Variants in BNC2 observed in about 807,000 individuals in gnomAD.
BNC2 encodes basonuclin zinc finger protein 2, also known as zinc finger protein basonuclin-2.
BNC2 carries 20 observed loss-of-function variants against 76.3 expected under a neutral mutation model. The ratio of observed to expected loss-of-function variants is 0.26; its 90% CI spans 0.18 to 0.38. The LOEUF (loss-of-function observed/expected upper bound fraction) is 0.38. BNC2 is among the 10% of genes least tolerant of loss of function. BNC2 has a pLI of 1.00. For missense variants in BNC2, 1,382 were observed against 1,399.8 expected, an observed-to-expected ratio of 0.99 and a Z score of 0.20; for synonymous variants, 582 against 514.8, an observed-to-expected ratio of 1.13 and a Z score of -1.77.
chr9:16,460,092 A>G (rs544321510), intron 5 of BNC2, among the ~76,000 whole-genome samples: 11 of 152,318 alleles, frequency 7.2e-5, no homozygotes, highest in Admixed American at 2.0e-4. Context: ...ATTAAAGTTG[A>G]TAACAATTAT....
At chr9:16,682,331 G>A (rs1822849797) in intron 3 of BNC2, among the ~76,000 whole-genome samples, 1 of 108,552 alleles carries the variant, frequency 9.2e-6, no homozygotes, top group South Asian at 3.9e-4. Flanking sequence ...CGTTCATAGT[G>A]ATCGACAGAC....
At chr9:16,597,440 G>GGGAGA (rs1158626065) in intron 3 of BNC2, among the ~76,000 whole-genome samples, 2 of 152,040 alleles carry the variant, frequency 1.3e-5, no homozygotes, top group Non-Finnish European at 2.9e-5. Flanking sequence ...TTTACTAATG[G>GGGAGA]GGAGAGTACA....
At chr9:16,588,423 GATT>G (rs1159060118) in intron 3 of BNC2, among the ~76,000 whole-genome samples, 1 of 152,030 alleles carries the variant, frequency 6.6e-6, no homozygotes, top group African/African-American at 2.4e-5. Context: ...TAGGCACACA[GATT>G]ATTATTTCTG....
intron 3 of BNC2, among the ~76,000 whole-genome samples, chr9:16,604,163 C>A (rs559566226): frequency 1.8e-4 from 28 of 152,248 alleles, no homozygotes; most frequent in African/African-American, 6.0e-4. Flanking sequence ...GCTTAGTCAA[C>A]AGAAGTACAA....
At chr9:16,700,878 A>G (rs2134568579) in intron 3 of BNC2, among the ~76,000 whole-genome samples, 1 of 152,280 alleles carries the variant, frequency 6.6e-6, no homozygotes, top group Non-Finnish European at 1.5e-5. Flanking sequence ...GAGACATGAG[A>G]CTTTCTTGAA....
At chr9:16,751,885 T>C (rs139111875) in intron 1 of BNC2, among the ~76,000 whole-genome samples, 3,579 of 151,742 alleles carry the variant, frequency 0.024, 143 homozygotes, top group African/African-American at 0.081. Context: ...AAAAATTAGT[T>C]GGGCATGGTG....
chr9:16,625,361 C>A (rs2133645131), intron 3 of BNC2, among the ~76,000 whole-genome samples: 1 of 152,098 alleles, frequency 6.6e-6, no homozygotes, highest in Non-Finnish European at 1.5e-5. Flanking sequence ...CTGGCAGGGC[C>A]ACCTGCACTG....
chr9:16,665,384 A>AGAG (rs1554702306), intron 3 of BNC2, among the ~76,000 whole-genome samples: 1 of 14,810 alleles, frequency 6.8e-5, no homozygotes, highest in Non-Finnish European at 1.9e-4. Flanking sequence ...AAAAAAAAAA[A>AGAG]AAAGAGAGAG....
At chr9:16,747,101 A>T (rs1461943470) in intron 1 of BNC2, among the ~76,000 whole-genome samples, 2 of 152,212 alleles carry the variant, frequency 1.3e-5, no homozygotes, top group Admixed American at 6.5e-5. Flanking sequence ...GTATACTACG[A>T]AAGTACAGAT....
intron 4 of BNC2, among the ~76,000 whole-genome samples, chr9:16,581,169 G>A (rs952117766): frequency 2.0e-5 from 3 of 152,154 alleles, no homozygotes; most frequent in African/African-American, 4.8e-5. Flanking sequence ...TTTGAATATA[G>A]GGTATTTAAA....
rs1208522064 is a variant in BNC2 at position 16,409,962 on chromosome 9, G to A, written c.*9027C>T. 2 of 152,430 alleles carry A rather than the reference G, an allele frequency of 1.3e-5. No individual in the cohort carries two copies. Among genetic ancestry groups the A allele is most frequent in the East Asian group, 1.9e-4 (1 of 5,182 alleles). 9.4% of individuals were successfully genotyped at this position (152,430 alleles called of 1,614,324 possible). Reference sequence around the variant, plus strand: ...ATAAACAGCTAAACTCTGGGAGAGGGAGAGGACATATCTTAGTGAAAATTC... The same window carrying A: ...ATAAACAGCTAAACTCTGGGAGAGGAAGAGGACATATCTTAGTGAAAATTC... On this transcript the variant is annotated 3_prime_UTR_variant, in exon 7 of 7. Coordinates refer to ENST00000380672, the MANE Select transcript of BNC2 (RefSeq NM_017637.6).
At chr9:16,790,731 ATAAG>A (rs1563944866) in intron 1 of BNC2, among the ~76,000 whole-genome samples, 2 of 151,592 alleles carry the variant, frequency 1.3e-5, no homozygotes, top group African/African-American at 4.9e-5. Context: ...ACTGACTTTG[ATAAG>A]TTAGTTATCT....
At chr9:16,836,818 A>C (rs369430536) in intron 1 of BNC2, among the ~76,000 whole-genome samples, 2 of 152,294 alleles carry the variant, frequency 1.3e-5, no homozygotes, top group East Asian at 1.9e-4. Flanking sequence ...AGAAAGAAAA[A>C]TATATAGGCA....
rs116536922 is a variant in BNC2, at chr9:16,798,818, C to A, written c.4-60333G>T. Among the ~76,000 whole-genome samples, 1,355 of 152,226 alleles carry A rather than the reference C, an allele frequency of 8.9e-3. 17 individuals carry two copies. The highest frequency in any genetic ancestry group is 0.031 in the African/African-American group (1,285 of 41,536). ...TATAAATATAATAAACATATGCCCACAGAGAGCAGAAGGTAAACAATCACG... is the reference window on the plus strand; with the variant it reads ...TATAAATATAATAAACATATGCCCAAAGAGAGCAGAAGGTAAACAATCACG... On this transcript the variant is annotated intron_variant, in intron 1 of 6. Coordinates refer to ENST00000380672, the MANE Select transcript of BNC2 (RefSeq NM_017637.6).
chr9:16,552,032 A>G (rs1193594082), intron 5 of BNC2, among the ~76,000 whole-genome samples: 1 of 152,184 alleles, frequency 6.6e-6, no homozygotes, highest in Non-Finnish European at 1.5e-5. Context: ...GTTTATATGG[A>G]TTATAGTTCT....
At chr9:16,865,384 A>C (rs932964245) in intron 1 of BNC2, among the ~76,000 whole-genome samples, 1 of 152,148 alleles carries the variant, frequency 6.6e-6, no homozygotes, top group Non-Finnish European at 1.5e-5. Context: ...AGTGAACGTA[A>C]TTTGTTACAA....
At chr9:16,729,699 G>C (rs10962554) in intron 2 of BNC2, among the ~76,000 whole-genome samples, 64,359 of 151,956 alleles carry the variant, frequency 0.42, 18,296 homozygotes, top group Non-Finnish European at 0.64. Flanking sequence ...TGGGGGGGAG[G>C]GCAGGAAAAT....
rs1430274449 is a variant in BNC2 at position 16,549,901 on chromosome 9, T to TA, written c.669+2628dup. The stretch of plus-strand genomic sequence containing the variant: ...ACAGAAACTAAACCTAGAACTCCTC[T>TA]AATGTAAAAATCATCTATCGTTTTC... On this transcript the variant is annotated intron_variant, in intron 5 of 6. Transcript: ENST00000380672. 7.9e-5 allele frequency among the ~76,000 whole-genome samples: 12 copies of TA among 152,262 alleles called. No individual in the cohort carries two copies. In the East Asian group the frequency reaches 2.3e-3, roughly 29 times the overall value.
chr9:16,844,493 CTTTTTTTTT>C (rs67281132), intron 1 of BNC2, among the ~76,000 whole-genome samples: 1 of 103,368 alleles, frequency 9.7e-6, no homozygotes, highest in Non-Finnish European at 1.9e-5. Flanking sequence ...TTTTTCTTTT[CTTTTTTTTT>C]TTTTTTTTTT....
Sources: gnomAD v4.1 joint callset for allele counts (sites outside exome capture counted in the v4.1 genomes callset) on GRCh38, gnomAD v4.1.1 for gene constraint, MANE v1.5 for transcripts, NCBI Gene and HGNC (gene_info 2026-07-23, HGNC 2026-07-21) for gene names.